Variants in KPNA5 observed in about 807,000 individuals in gnomAD.
KPNA5 encodes the protein karyopherin subunit alpha 5.
Under a neutral mutation model 71.3 loss-of-function variants are expected in KPNA5, and 46 were observed. The observed-to-expected ratio is 0.65, with a 90% confidence interval of 0.51 to 0.83. The LOEUF (loss-of-function observed/expected upper bound fraction) is 0.83, where lower values mean the gene tolerates loss of function less well. Among genes scored for constraint, KPNA5 ranks in the 40% least tolerant of loss-of-function variants. The pLI, the probability that KPNA5 is intolerant of heterozygous loss-of-function variation, is 0.00. For missense variants in KPNA5, 547 were observed against 628.3 expected (o/e 0.87, Z 1.38); for synonymous variants, 207 against 201.4 (o/e 1.03, Z -0.24).
chr6:116,711,890 G>A (rs997694212), intron 7 of KPNA5, among the ~76,000 whole-genome samples: 4 of 152,132 alleles, frequency 2.6e-5, no homozygotes, highest in Admixed American at 2.6e-4. Context: ...CGAAGTGTTG[G>A]GATTACAGGC....
chr6:116,692,197 A>G, intron 3 of KPNA5, 41 bp downstream of exon 3: 1 of 1,464,134 alleles, frequency 6.8e-7, no homozygotes, highest in Non-Finnish European at 9.5e-7. Context: ...TACCTCAATA[A>G]TTTTAGCAAT....
chr6:116,709,756 G>A (rs1040232952), intron 7 of KPNA5, among the ~76,000 whole-genome samples: 6 of 150,922 alleles, frequency 4.0e-5, no homozygotes, highest in African/African-American at 1.5e-4. Flanking sequence ...TGTTGAGGTA[G>A]TTTCCTTCTA....
rs1273027010 is a variant in KPNA5, at chr6:116,735,403, T to A, written c.*3080T>A. On this transcript the variant is annotated 3_prime_UTR_variant, in exon 14 of 14. Transcript: ENST00000368564. ...ACTGGCTGCTTGCGAAACTGTGAAA[T>A]CAAATTGTTCTTAACCTTTATTCAG... 1 of 151,736 alleles carries A rather than the reference T, an allele frequency of 6.6e-6. No individual in the cohort carries two copies. The highest frequency in any genetic ancestry group is 1.5e-5 in the Non-Finnish European group (1 of 67,722). The allele number at this position is 151,736 out of a possible 1,614,324, so 9.4% of individuals were successfully genotyped here.
chr6:116,686,275 GT>G (rs1349553621), intron 1 of KPNA5, among the ~76,000 whole-genome samples: 1 of 152,008 alleles, frequency 6.6e-6, no homozygotes, highest in African/African-American at 2.4e-5. Flanking sequence ...TTTTATTCTG[GT>G]TTTGATTTGC....
At chr6:116,697,593 A>T (rs1430217460) in intron 4 of KPNA5, among the ~76,000 whole-genome samples, 1 of 152,062 alleles carries the variant, frequency 6.6e-6, no homozygotes, top group African/African-American at 2.4e-5. Flanking sequence ...CATCCTACTC[A>T]TCAAACACAG....
intron 2 of KPNA5, among the ~76,000 whole-genome samples, chr6:116,690,545 A>T (rs1777756420): frequency 6.6e-6 from 1 of 151,234 alleles, no homozygotes; most frequent in Non-Finnish European, 1.5e-5. Flanking sequence ...CAGGAGGCTG[A>T]GGCAGGAGAA....
intron 8 of KPNA5, among the ~76,000 whole-genome samples, chr6:116,718,158 G>A (rs1778961520): frequency 6.6e-6 from 1 of 151,898 alleles, no homozygotes; most frequent in African/African-American, 2.4e-5. Flanking sequence ...TGTAACAACT[G>A]CCCTCACCCC....
At chr6:116,690,012 C>T (rs772697506) in intron 2 of KPNA5, among the ~76,000 whole-genome samples, 2 of 152,084 alleles carry the variant, frequency 1.3e-5, no homozygotes, top group Non-Finnish European at 2.9e-5. Context: ...TAATGTGGTT[C>T]TCACACATGT....
rs146146445 is a variant in KPNA5, at chr6:116,735,657, C to T, written c.*3334C>T. 6 of 151,614 alleles carry T rather than the reference C, an allele frequency of 4.0e-5. No individual in the cohort carries two copies. Among genetic ancestry groups the T allele is most frequent in the African/African-American group, 1.4e-4 (6 of 41,474 alleles). The allele number at this position is 151,614 out of a possible 1,614,324, so 9.4% of individuals were successfully genotyped here. A position where few individuals can be genotyped will look rare whatever the true frequency, so the allele number is the denominator to read the frequency against. ...AAAATTGCATTTATATAAATGTGTC[C>T]ATTTCATTTTTTCTTAAGATTGTTG... On this transcript the variant is annotated 3_prime_UTR_variant, in exon 14 of 14. Transcript: ENST00000368564.
chr6:116,725,758 T>G lies in KPNA5; in HGVS notation c.1007T>G (p.Leu336Trp). 2 of 1,605,266 alleles carry G rather than the reference T, an allele frequency of 1.2e-6. No individual in the cohort carries two copies. Among genetic ancestry groups the G allele is most frequent in the Non-Finnish European group, 1.7e-6 (2 of 1,177,062 alleles). The change falls in exon 11 of 14, where the codon TTG (leucine) becomes TGG (tryptophan). Residue 336 changes from leucine to tryptophan, a missense_variant. By Grantham distance (61) the Leu-to-Trp change is moderately conservative. Coordinates refer to ENST00000368564, the MANE Select transcript of KPNA5 (RefSeq NM_001366306.2). Reference protein sequence around the residue: ...TGDDIQTQVILNCSALPCLLH... With the variant: ...TGDDIQTQVIWNCSALPCLLH... ...ATTTCTAACTTGTTTTAGGTAATTT[T>G]GAATTGTTCTGCATTACCCTGTCTC...
chr6:116,694,709 A>T (rs890160762), intron 4 of KPNA5, among the ~76,000 whole-genome samples: 1 of 152,176 alleles, frequency 6.6e-6, no homozygotes, highest in South Asian at 2.1e-4. Flanking sequence ...ATAGAGTGTG[A>T]GCATAAAATA....
chr6:116,694,709 A>C (rs890160762), intron 4 of KPNA5, among the ~76,000 whole-genome samples: 1 of 152,176 alleles, frequency 6.6e-6, no homozygotes, highest in African/African-American at 2.4e-5. Flanking sequence ...ATAGAGTGTG[A>C]GCATAAAATA....
At chr6:116,700,483 A>C (rs538063169) in intron 5 of KPNA5, among the ~76,000 whole-genome samples, 237 of 145,506 alleles carry the variant, frequency 1.6e-3, no homozygotes, top group African/African-American at 4.6e-3. Context: ...CAAACAAACA[A>C]ACACACACAC....
chr6:116,722,866 C>G (rs1779161546), intron 9 of KPNA5, among the ~76,000 whole-genome samples: 1 of 152,196 alleles, frequency 6.6e-6, no homozygotes, highest in South Asian at 2.1e-4. Context: ...TACTTACCCT[C>G]TTTAAAAAAT....
At chr6:116,690,883 C>A (rs1320311814) in intron 2 of KPNA5, among the ~76,000 whole-genome samples, 1 of 152,106 alleles carries the variant, frequency 6.6e-6, no homozygotes, top group Admixed American at 6.6e-5. Flanking sequence ...CTTATAATAT[C>A]TAATACAGTG....
chr6:116,710,889 A>AT (rs1778640144), intron 7 of KPNA5, among the ~76,000 whole-genome samples: 2 of 68,824 alleles, frequency 2.9e-5, no homozygotes, highest in South Asian at 6.6e-4. Context: ...ATATATATAT[A>AT]TATATTTTTT....
chr6:116,718,804 G>C (rs944890699), intron 8 of KPNA5, among the ~76,000 whole-genome samples: 6 of 149,284 alleles, frequency 4.0e-5, no homozygotes, highest in African/African-American at 7.5e-5. Flanking sequence ...GTTTCACTCT[G>C]TCGCCCAGGC....
chr6:116,698,232 C>G (rs972405777), intron 4 of KPNA5, among the ~76,000 whole-genome samples: 3 of 151,930 alleles, frequency 2.0e-5, no homozygotes, highest in Non-Finnish European at 4.4e-5. Flanking sequence ...TAATTGTAGA[C>G]AGTCCGTTAA....
chr6:116,713,828 G>A (rs1778791527), intron 7 of KPNA5, among the ~76,000 whole-genome samples: 1 of 152,064 alleles, frequency 6.6e-6, no homozygotes, highest in East Asian at 1.9e-4. Context: ...CCCCTATAGT[G>A]AAATTTTAAT....
Sources: allele counts gnomAD v4.1 joint callset (sites outside exome capture counted in the v4.1 genomes callset), GRCh38; gene constraint gnomAD v4.1.1; transcripts MANE v1.5; gene names NCBI Gene and HGNC (gene_info 2026-07-23, HGNC 2026-07-21).